The following ANO3 variants were observed in gnomAD, a reference collection of about 807,000 sequenced individuals.
ANO3 encodes the protein anoctamin-3.
A neutral mutation model predicts 144.8 loss-of-function variants in ANO3; 99 were observed. That is an observed-to-expected ratio of 0.68 (90% CI 0.58 to 0.81). The LOEUF (loss-of-function observed/expected upper bound fraction) is 0.81, where lower values mean the gene tolerates loss of function less well. ANO3 is among the 30% of genes least tolerant of loss of function. ANO3 has a pLI of 0.00. For synonymous variants in ANO3, 414 were observed against 392.6 expected (o/e 1.05, Z -0.64); for missense variants, 905 against 1,202.2 (o/e 0.75, Z 3.66).
intron 1 of ANO3, among the ~76,000 whole-genome samples, chr11:26,194,439 G>GGTGTGTGTGTGT (rs1161631402): frequency 5.4e-4 from 33 of 60,592 alleles, no homozygotes; most frequent in African/African-American, 9.5e-4. Context: ...GGTACATAGT[G>GGTGTGTGTGTGT]GTGTGTGTGT....
intron 14 of ANO3, among the ~76,000 whole-genome samples, chr11:26,591,332 G>C (rs575851851): frequency 1.1e-4 from 16 of 152,266 alleles, no homozygotes; most frequent in African/African-American, 2.6e-4. Context: ...CAGGAGGGGT[G>C]CCTTTGATGT....
intron 4 of ANO3, among the ~76,000 whole-genome samples, chr11:26,507,132 TG>T: frequency 6.6e-6 from 1 of 152,230 alleles, no homozygotes; most frequent in Admixed American, 6.5e-5. Flanking sequence ...GGCTCCTCAT[TG>T]ATCTTGGGCA....
chr11:26,450,312 T>C (rs967488892), intron 3 of ANO3, among the ~76,000 whole-genome samples: 8 of 152,090 alleles, frequency 5.3e-5, no homozygotes, highest in African/African-American at 1.7e-4. Flanking sequence ...TGGAAAGCAG[T>C]GTATCTGCAG....
At chr11:26,439,728 A>G (rs1370163752) in intron 1 of ANO3, among the ~76,000 whole-genome samples, 1 of 152,228 alleles carries the variant, frequency 6.6e-6, no homozygotes, top group South Asian at 2.1e-4. Flanking sequence ...ATAATGTGAC[A>G]AACTATAATT....
At chr11:26,564,730 CACATAT>C (rs1850478094) in intron 14 of ANO3, among the ~76,000 whole-genome samples, 22 of 23,974 alleles carry the variant, frequency 9.2e-4, no homozygotes, top group African/African-American at 2.0e-3. Flanking sequence ...CACACACACA[CACATAT>C]ATATATATAT....
At chr11:26,313,988 A>C (rs545615856) in intron 1 of ANO3, among the ~76,000 whole-genome samples, 1 of 152,194 alleles carries the variant, frequency 6.6e-6, no homozygotes, top group African/African-American at 2.4e-5. Context: ...CAGTAGAAGA[A>C]AAATGCATAA....
At chr11:26,659,116 A>G (rs1305119373) in intron 26 of ANO3, among the ~76,000 whole-genome samples, 7 of 151,860 alleles carry the variant, frequency 4.6e-5, no homozygotes, top group Non-Finnish European at 1.0e-4. Flanking sequence ...ATATACACAC[A>G]TACACAAACA....
At position 26,656,475 on chromosome 11, in the gene ANO3, G is replaced by A. The variant is rs1853692764; in HGVS notation, c.2757G>A (p.Val919=). 1 of 1,589,758 alleles carries A rather than the reference G, an allele frequency of 6.3e-7. No individual in the cohort carries two copies. The highest frequency in any genetic ancestry group is 1.3e-5 in the African/African-American group (1 of 74,542). ...CTGCTAGATTGGCCTTCATTATTGT[G>A]TTTGAGGTTAGTCACAAGCTGAGAT... is the stretch of plus-strand genomic sequence containing the variant. ...ILAARLAFII[V]FEHLVFGIKS... The change falls in exon 26 of 27, where the codon GTG becomes GTA. Residue 919 remains valine (V), a synonymous_variant. Coordinates refer to ENST00000256737, the MANE Select transcript of ANO3 (RefSeq NM_031418.4).
chr11:26,638,516 T>A (rs544018564), intron 20 of ANO3, among the ~76,000 whole-genome samples: 1 of 152,176 alleles, frequency 6.6e-6, no homozygotes, highest in Non-Finnish European at 1.5e-5. Flanking sequence ...ACTGGGGAGA[T>A]AGGAAGAATA....
chr11:26,555,050 G>T (rs138670812), intron 13 of ANO3, among the ~76,000 whole-genome samples: 93 of 152,252 alleles, frequency 6.1e-4, no homozygotes, highest in African/African-American at 2.1e-3. Context: ...CTTACTACAA[G>T]AACATAACTT....
rs779223477 is a variant in ANO3 at position 26,565,786 on chromosome 11, C to A, written c.1447+6007C>A. 4 of 1,609,486 alleles carry A rather than the reference C, an allele frequency of 2.5e-6. No individual in the cohort carries two copies. The African/African-American group carries it at 5.4e-5, about 22-fold the overall frequency. On this transcript the variant is annotated intron_variant, in intron 14 of 26. Transcript: ENST00000256737. ...TGTGTTGTGTTTATGTCTTGATTTT[C>A]TTTTCCATGGCTCCCCGATAGAAGT...
intron 1 of ANO3, among the ~76,000 whole-genome samples, chr11:26,236,643 C>G (rs1852531119): frequency 1.3e-5 from 2 of 151,764 alleles, no homozygotes; most frequent in African/African-American, 2.4e-5. Context: ...ACAGTGAAAC[C>G]CTGTCTCTAC....
intron 14 of ANO3, among the ~76,000 whole-genome samples, chr11:26,587,209 T>C (rs1379212689): frequency 6.6e-6 from 1 of 152,210 alleles, no homozygotes; most frequent in African/African-American, 2.4e-5. Context: ...GTGAGTCAAA[T>C]CTGGCGGATG....
chr11:26,365,969 TATATATATATATATATATATATA>T (rs1298613988), intron 1 of ANO3, among the ~76,000 whole-genome samples: 24 of 6,184 alleles, frequency 3.9e-3, no homozygotes, highest in African/African-American at 6.0e-3. Context: ...TATATATATA[TATATATATATATATATATATATA>T]TATATATATA....
At position 26,453,060 on chromosome 11, in the gene ANO3, A is replaced by C. The variant is rs1233951059; in HGVS notation, c.313+9224A>C. The stretch of plus-strand genomic sequence containing the variant: ...ATTTTGTCACCACCAGGCCTGCCCT[A>C]AAAGAGCTCCTGAAGGAAGCACTAA... On this transcript the variant is annotated intron_variant, in intron 3 of 26. Transcript: ENST00000256737. 6.1e-4 allele frequency among the ~76,000 whole-genome samples: 92 copies of C among 152,056 alleles called. No individual in the cohort carries two copies. The East Asian group carries it at 6.4e-3, about 11-fold the overall frequency.
intron 1 of ANO3, among the ~76,000 whole-genome samples, chr11:26,235,144 C>A (rs189939658): frequency 1.0e-3 from 159 of 152,172 alleles, no homozygotes; most frequent in African/African-American, 3.7e-3. Flanking sequence ...CTCAGTCCAC[C>A]AATTCAAATT....
intron 1 of ANO3, among the ~76,000 whole-genome samples, chr11:26,223,921 A>G (rs1485101919): frequency 6.6e-6 from 1 of 152,192 alleles, no homozygotes; most frequent in Non-Finnish European, 1.5e-5. Context: ...ATTTTCCCCC[A>G]TGACCAAAAC....
chr11:26,628,789 G>T (rs1204747031), intron 18 of ANO3, among the ~76,000 whole-genome samples: 2 of 152,098 alleles, frequency 1.3e-5, no homozygotes, highest in Non-Finnish European at 2.9e-5. Context: ...TATCTGCTGG[G>T]GCTGGTGTGT....
At chr11:26,329,327 C>CACACACACAG (rs1476384143), upstream of ANO3, among the ~76,000 whole-genome samples, 1 of 110,374 alleles carries the variant, frequency 9.1e-6, no homozygotes, top group African/African-American at 3.7e-5. Flanking sequence ...CACACACACA[C>CACACACACAG]AGAGAGAGAG....
Sources: gnomAD v4.1 joint callset for allele counts (sites outside exome capture counted in the v4.1 genomes callset) on GRCh38, gnomAD v4.1.1 for gene constraint, MANE v1.5 for transcripts, NCBI Gene and HGNC (gene_info 2026-07-23, HGNC 2026-07-21) for gene names.